GIT2: variants seen among roughly 807,000 people sequenced by gnomAD.
GIT2 encodes the protein GIT ArfGAP 2, also known as ARF GTPase-activating protein GIT2.
GIT2 carries 32 observed loss-of-function variants against 100.3 expected under a neutral mutation model. The ratio of observed to expected loss-of-function variants is 0.32; its 90% CI spans 0.24 to 0.43. GIT2 has a LOEUF of 0.43. GIT2 is among the 20% of genes least tolerant of loss of function. The probability of loss-of-function intolerance (pLI) is 1.00; values close to 1 mark genes in which losing one functional copy is unlikely to be tolerated. For synonymous variants in GIT2, 353 were observed against 364.1 expected, an observed-to-expected ratio of 0.97 and a Z score of 0.35; for missense variants, 737 against 975.1, an observed-to-expected ratio of 0.76 and a Z score of 3.25.
In GIT2 at chr12:109,951,288, G is replaced by T; in HGVS notation, c.1271C>A (p.Pro424Gln). 1 of 1,611,292 alleles carries T rather than the reference G, an allele frequency of 6.2e-7. No individual in the cohort carries two copies. Among genetic ancestry groups the T allele is most frequent in the Non-Finnish European group, 8.5e-7 (1 of 1,177,474 alleles). The change falls in exon 14 of 20, where the codon CCA (proline) becomes CAA (glutamine). Residue 424 changes from proline to glutamine, a missense_variant. Transcript: ENST00000355312. ...CTCCATAAATTCCTGTACAGTGACT[G>T]GTCCATCTGATAAATCTGAATCTAG... ...KSLDSDLSDG[P>Q]VTVQEFMEVK... is the part of the protein sequence containing the mutation.
At chr12:109,953,445 T>A in intron 12 of GIT2, 1 of 531,664 alleles carries the variant, frequency 1.9e-6, no homozygotes, top group Non-Finnish European at 3.4e-6. Context: ...ACAATGAGAC[T>A]CCATCCCTAC....
upstream of GIT2, chr12:109,999,586 C>A: frequency 2.0e-6 from 2 of 976,528 alleles, no homozygotes; most frequent in Non-Finnish European, 2.8e-6. This position sits in a 1 kb window ranked among gnomAD's most constrained non-coding sequence, Gnocchi z 4.3. Flanking sequence ...ACGCCCTACG[C>A]TCGCTTGCTC....
intron 8 of GIT2, among the ~76,000 whole-genome samples, chr12:109,966,004 T>G (rs1593057205): frequency 6.7e-6 from 1 of 149,762 alleles, no homozygotes; most frequent in South Asian, 2.1e-4. Context: ...GTTTTTTTTT[T>G]TTTTTTTTTG....
intron 13 of GIT2, 74 bp downstream of exon 13, chr12:109,953,018 T>G: frequency 6.7e-7 from 1 of 1,485,366 alleles, no homozygotes; most frequent in Admixed American, 1.8e-5. Context: ...CCAACCTCAC[T>G]GCACAGCAGC....
chr12:109,942,136 T>C (rs1313902184), intron 16 of GIT2, among the ~76,000 whole-genome samples: 1 of 152,118 alleles, frequency 6.6e-6, no homozygotes, highest in Non-Finnish European at 1.5e-5. Context: ...CAACTAACTT[T>C]TAAGTTTTAT....
At chr12:109,983,943 T>TAG (rs1247062531) in intron 4 of GIT2, 2 of 440,862 alleles carry the variant, frequency 4.5e-6, no homozygotes, top group Non-Finnish European at 8.3e-6. Context: ...ATGCATGACT[T>TAG]ATCTAAGAAG....
At chr12:109,949,930 T>A (rs1379642797) in intron 14 of GIT2, among the ~76,000 whole-genome samples, 1 of 152,222 alleles carries the variant, frequency 6.6e-6, no homozygotes, top group East Asian at 1.9e-4. Flanking sequence ...GTCCTGTATG[T>A]TATGACAAAG....
intron 1 of GIT2, among the ~76,000 whole-genome samples, chr12:109,994,422 T>C (rs1466387903): frequency 2.0e-5 from 3 of 152,192 alleles, no homozygotes. Context: ...GAGAAGGCCT[T>C]AGCATTCAAC....
At chr12:109,959,536 C>G (rs779655118) in intron 12 of GIT2, among the ~76,000 whole-genome samples, 5 of 151,834 alleles carry the variant, frequency 3.3e-5, no homozygotes, top group Non-Finnish European at 7.4e-5. Flanking sequence ...GTTAATTCAC[C>G]AGGGCTCAGA....
At chr12:109,997,462 A>C (rs1308002059), upstream of GIT2, 1 of 152,250 alleles carries the variant, frequency 6.6e-6, no homozygotes, top group Non-Finnish European at 1.5e-5. Flanking sequence ...TCTCATGTTC[A>C]AAATTAAGAT....
upstream of GIT2, chr12:109,997,815 C>T (rs1889664213): frequency 6.6e-6 from 1 of 152,160 alleles, no homozygotes; most frequent in Non-Finnish European, 1.5e-5. Flanking sequence ...CAATAGCTAA[C>T]ATGGGATAAT....
At position 109,953,130 on chromosome 12, in the gene GIT2, CTG is replaced by C. The variant is rs1453562625; in HGVS notation, c.1202_1203del (p.Thr401ArgfsTer40). The C allele has an allele frequency of 6.2e-7, 1 of 1,614,186 alleles. No individual in the cohort carries two copies. The highest frequency in any genetic ancestry group is 1.7e-5 in the Admixed American group (1 of 60,022). ...GTTTTGCTTGCAGTGGTTTCCAAAT[CTG>C]TGTCTTCGTCTGATGCCACGCTGTC... ...DYDSVASDEDTDLETTASKTN... is the reference protein window; with the variant it reads ...DYDSVASDEDXDLETTASKTN... On this transcript the variant is annotated frameshift_variant, in exon 13 of 20. Transcript: ENST00000355312. LOFTEE classifies it high-confidence loss of function.
Position 109,948,748 on chromosome 12 carries a change from T to C in GIT2, c.1393-1244A>G. The C allele has an allele frequency of 6.4e-7, 1 of 1,565,992 alleles. No individual in the cohort carries two copies. The highest frequency in any genetic ancestry group is 8.6e-7 in the Non-Finnish European group (1 of 1,160,972). Reference sequence around the variant, plus strand: ...TTTCAGTAGCAAACCCATTCAATGTTAGGAGTTACTTTCAATTTTTATTTA... The same window carrying C: ...TTTCAGTAGCAAACCCATTCAATGTCAGGAGTTACTTTCAATTTTTATTTA... On this transcript the variant is annotated intron_variant, in intron 14 of 19. Transcript: ENST00000355312. The surrounding 1 kb of genome is among the most constrained non-coding windows in gnomAD (Gnocchi z 4.3).
rs368414287 is a variant in GIT2 at position 109,961,602 on chromosome 12, C to A, written c.889+11G>T. The stretch of plus-strand genomic sequence containing the variant: ...AACAGAAGCTTATTAGATAAAGCCA[C>A]GTCAAGTCACCTGCATCCGTCTCTC... On this transcript the variant is annotated intron_variant, in intron 10 of 19. Coordinates refer to ENST00000355312, the MANE Select transcript of GIT2 (RefSeq NM_057169.5). 1 of 1,567,396 alleles carries A rather than the reference C, an allele frequency of 6.4e-7. No homozygotes were observed. Among genetic ancestry groups the A allele is most frequent in the Non-Finnish European group, 8.8e-7 (1 of 1,137,916 alleles).
intron 4 of GIT2, among the ~76,000 whole-genome samples, chr12:109,988,415 G>T (rs1218060464): frequency 6.6e-6 from 1 of 151,930 alleles, no homozygotes. Context: ...ATGGTAATGC[G>T]CCTGTAGTTC....
At chr12:109,964,217 T>C (rs1364197738) in intron 9 of GIT2, among the ~76,000 whole-genome samples, 2 of 152,162 alleles carry the variant, frequency 1.3e-5, no homozygotes, top group African/African-American at 2.4e-5. Flanking sequence ...ATCTTGATCA[T>C]CTTAGTTTAC....
chr12:109,937,708 A>G (rs767059910), intron 18 of GIT2, among the ~76,000 whole-genome samples: 37 of 152,066 alleles, frequency 2.4e-4, no homozygotes, highest in Non-Finnish European at 3.2e-4. Context: ...GATGAGATCA[A>G]CTTTATTTAT....
intron 7 of GIT2, among the ~76,000 whole-genome samples, chr12:109,969,960 T>C (rs1883450973): frequency 6.6e-6 from 1 of 151,962 alleles, no homozygotes; most frequent in South Asian, 2.1e-4. Context: ...TTCACTATGT[T>C]GGCCAGGCTA....
At chr12:109,988,231 T>C (rs1202496990) in intron 4 of GIT2, among the ~76,000 whole-genome samples, 3 of 152,166 alleles carry the variant, frequency 2.0e-5, no homozygotes, top group Non-Finnish European at 4.4e-5. Context: ...ACCTCCACTA[T>C]ATGAATGGCT....
Sources: gnomAD v4.1 joint callset for allele counts (sites outside exome capture counted in the v4.1 genomes callset) on GRCh38, gnomAD v4.1.1 for gene constraint, Gnocchi (gnomAD v3.1) non-coding constraint, MANE v1.5 for transcripts, NCBI Gene and HGNC (gene_info 2026-07-23, HGNC 2026-07-21) for gene names.